Variants in DLGAP2 observed in about 807,000 individuals in gnomAD.
DLGAP2 encodes disks large-associated protein 2.
A neutral mutation model predicts 100.3 loss-of-function variants in DLGAP2; 26 were observed. That is an observed-to-expected ratio of 0.26 (90% CI 0.19 to 0.36). DLGAP2 has a LOEUF of 0.36. Among genes scored for constraint, DLGAP2 ranks in the 10% least tolerant of loss-of-function variants. The pLI is 1.00. For missense variants in DLGAP2, 1,858 were observed against 1,453.2 expected (o/e 1.28, Z -4.53); for synonymous variants, 886 against 630.1 (o/e 1.41, Z -6.08).
At chr8:780,854 T>G (rs2132623390) in intron 1 of DLGAP2, among the ~76,000 whole-genome samples, 1 of 152,298 alleles carries the variant, frequency 6.6e-6, no homozygotes, top group East Asian at 1.9e-4. Flanking sequence ...TTTTTATTCC[T>G]TTTCCAAGGA....
intron 2 of DLGAP2, among the ~76,000 whole-genome samples, chr8:1,036,481 C>T (rs1039607167): frequency 1.3e-5 from 2 of 152,166 alleles, no homozygotes; most frequent in Non-Finnish European, 1.5e-5. Flanking sequence ...GTCTGGCGGC[C>T]GTGGGGACGG....
intron 4 of DLGAP2, among the ~76,000 whole-genome samples, chr8:1,540,158 A>G (rs1801312965): frequency 1.3e-5 from 2 of 152,188 alleles, no homozygotes; most frequent in African/African-American, 4.8e-5. Context: ...GATACGTCCT[A>G]CTTCCTTAGG....
At chr8:1,023,255 C>T (rs1477797494) in intron 2 of DLGAP2, among the ~76,000 whole-genome samples, 8 of 152,176 alleles carry the variant, frequency 5.3e-5, no homozygotes, top group Admixed American at 5.2e-4. Context: ...TATAGCAGTT[C>T]AGAAGTGGAG....
intron 4 of DLGAP2, among the ~76,000 whole-genome samples, chr8:1,512,539 T>A (rs1459591222): frequency 1.3e-5 from 2 of 152,074 alleles, no homozygotes; most frequent in Non-Finnish European, 2.9e-5. Context: ...CACGTGTGAC[T>A]GACGCACTCC....
intron 2 of DLGAP2, among the ~76,000 whole-genome samples, chr8:948,733 G>A (rs925079074): frequency 9.2e-5 from 14 of 152,242 alleles, no homozygotes; most frequent in Admixed American, 6.5e-5. Context: ...CCTTCTCACT[G>A]CCCCTGGGGC....
At chr8:1,594,299 C>G (rs1796381795) in intron 6 of DLGAP2, among the ~76,000 whole-genome samples, 1 of 152,058 alleles carries the variant, frequency 6.6e-6, no homozygotes, top group South Asian at 2.1e-4. Context: ...ATTTATTCGA[C>G]AGAGAATTCA....
intron 2 of DLGAP2, among the ~76,000 whole-genome samples, chr8:1,091,692 G>T (rs1804187195): frequency 6.6e-6 from 1 of 152,132 alleles, no homozygotes; most frequent in African/African-American, 2.4e-5. Flanking sequence ...TGGTGAAGCA[G>T]TTCTTGTGGG....
chr8:1,454,468 A>G (rs1338522938), intron 3 of DLGAP2, among the ~76,000 whole-genome samples: 1 of 152,098 alleles, frequency 6.6e-6, no homozygotes, highest in Non-Finnish European at 1.5e-5. Flanking sequence ...TTTCTGGCAC[A>G]GCAACTGTAG....
intron 2 of DLGAP2, among the ~76,000 whole-genome samples, chr8:1,194,939 C>T (rs12549605): frequency 0.28 from 42,552 of 152,196 alleles, 6,707 homozygotes; most frequent in Middle Eastern, 0.43. Context: ...CAACTACCAA[C>T]GGACAGTCAG....
chr8:1,662,473 C>A (rs912370312), intron 8 of DLGAP2, among the ~76,000 whole-genome samples: 4 of 152,140 alleles, frequency 2.6e-5, no homozygotes, highest in African/African-American at 7.2e-5. Context: ...CTCTTGGACC[C>A]GTCTCTTAAA....
At chr8:998,169 TAC>T (rs1412290543) in intron 2 of DLGAP2, among the ~76,000 whole-genome samples, 2 of 152,178 alleles carry the variant, frequency 1.3e-5, no homozygotes, top group Non-Finnish European at 2.9e-5. Flanking sequence ...CACACATGTA[TAC>T]ACACAAATGT....
intron 2 of DLGAP2, among the ~76,000 whole-genome samples, chr8:965,685 T>TCG (rs1799847640): frequency 7.1e-6 from 1 of 140,984 alleles, no homozygotes; most frequent in Non-Finnish European, 1.5e-5. Context: ...CACGGCACTG[T>TCG]TCACCTCACA....
chr8:1,110,571 A>AGT (rs1470979925), intron 2 of DLGAP2, among the ~76,000 whole-genome samples: 2 of 150,548 alleles, frequency 1.3e-5, no homozygotes, highest in African/African-American at 4.9e-5. Context: ...GTGCCTGTGA[A>AGT]GTGTGCATGG....
intron 2 of DLGAP2, among the ~76,000 whole-genome samples, chr8:1,242,380 G>T (rs1798815913): frequency 6.6e-6 from 1 of 152,208 alleles, no homozygotes. Context: ...GCATGGAATG[G>T]GCAAGGCCCC....
At chr8:996,316 G>C (rs933723214) in intron 2 of DLGAP2, among the ~76,000 whole-genome samples, 21 of 152,178 alleles carry the variant, frequency 1.4e-4, no homozygotes, top group African/African-American at 5.1e-4. Context: ...GTCGTTTAGA[G>C]ACTACAGAGC....
Position 1,705,318 on chromosome 8 carries a change from T to C in DLGAP2, c.*3912T>C, listed in dbSNP as rs6558515. 1 of 152,070 alleles carries C rather than the reference T, an allele frequency of 6.6e-6. No homozygotes were observed. Among genetic ancestry groups the C allele is most frequent in the African/African-American group, 2.4e-5 (1 of 41,332 alleles). 9.4% of individuals were successfully genotyped at this position (152,070 alleles called of 1,614,324 possible). On this transcript the variant is annotated 3_prime_UTR_variant, in exon 15 of 15. Transcript: ENST00000637795. ...GGGGACCTCCTGGGAGATGCAGCTT[T>C]TGTTTCCGCTGCGTTTCATCAGTCA...
intron 1 of DLGAP2, among the ~76,000 whole-genome samples, chr8:830,264 G>A (rs1473589007): frequency 2.0e-5 from 3 of 152,096 alleles, no homozygotes; most frequent in African/African-American, 7.2e-5. Context: ...GGTCAGTGGG[G>A]TATCCATCCC....
chr8:1,234,899 C>T (rs1019497138), intron 2 of DLGAP2, among the ~76,000 whole-genome samples: 19 of 152,212 alleles, frequency 1.2e-4, no homozygotes, highest in Non-Finnish European at 1.5e-4. Context: ...CTCCCTCTCA[C>T]GTGGCGCCAT....
intron 3 of DLGAP2, among the ~76,000 whole-genome samples, chr8:1,281,540 G>T (rs1799813608): frequency 1.3e-5 from 2 of 152,296 alleles, no homozygotes; most frequent in African/African-American, 4.8e-5. Context: ...TCTCCTGTGG[G>T]GCTCAGCCAG....
Sources: gnomAD v4.1 joint callset for allele counts (sites outside exome capture counted in the v4.1 genomes callset) on GRCh38, gnomAD v4.1.1 for gene constraint, MANE v1.5 for transcripts, NCBI Gene and HGNC (gene_info 2026-07-23, HGNC 2026-07-21) for gene names.